The following TMCO4 variants were observed in gnomAD, a reference collection of about 807,000 sequenced individuals.
TMCO4 encodes the protein transmembrane and coiled-coil domain-containing protein 4.
In TMCO4, 58 loss-of-function variants were observed where a neutral mutation model predicts 64.7. The ratio of observed to expected loss-of-function variants is 0.90; its 90% CI spans 0.73 to 1.12. The LOEUF (loss-of-function observed/expected upper bound fraction) is 1.12. Among genes scored for constraint, TMCO4 ranks in the 50% most tolerant of loss-of-function variants. The pLI is 0.00. For synonymous variants in TMCO4, 325 were observed against 346.1 expected (o/e 0.94, Z 0.68); for missense variants, 780 against 825.9 (o/e 0.94, Z 0.68).
intron 8 of TMCO4, 99 bp from the exon 9 acceptor site, chr1:19,746,698 G>A: frequency 7.0e-7 from 1 of 1,418,688 alleles, no homozygotes; most frequent in East Asian, 2.5e-5. Context: ...GCCGAGGTGG[G>A]CGGATCACGA....
intron 3 of TMCO4, among the ~76,000 whole-genome samples, chr1:19,781,197 A>G (rs892123985): frequency 2.0e-5 from 3 of 151,544 alleles, no homozygotes; most frequent in Non-Finnish European, 4.4e-5. Context: ...ATGGTGGCTC[A>G]TGCCTCTAAT....
intron 10 of TMCO4, among the ~76,000 whole-genome samples, chr1:19,742,529 G>A (rs2095484273): frequency 6.6e-6 from 1 of 152,162 alleles, no homozygotes; most frequent in African/African-American, 2.4e-5. Flanking sequence ...GGGGGACCCT[G>A]TCTCAGCTCT....
At chr1:19,787,584 C>A (rs1332915296) in intron 2 of TMCO4, among the ~76,000 whole-genome samples, 1 of 152,116 alleles carries the variant, frequency 6.6e-6, no homozygotes, top group Non-Finnish European at 1.5e-5. Flanking sequence ...TAAAGGCACT[C>A]CCTTTCTCAC....
chr1:19,722,374 A>G (rs929582659), intron 13 of TMCO4, among the ~76,000 whole-genome samples: 6 of 152,192 alleles, frequency 3.9e-5, no homozygotes, highest in African/African-American at 1.4e-4. Flanking sequence ...CAAGCCACCT[A>G]CTGTACAACA....
intron 6 of TMCO4, among the ~76,000 whole-genome samples, chr1:19,759,185 T>C (rs964768420): frequency 4.6e-5 from 7 of 151,840 alleles, no homozygotes; most frequent in African/African-American, 1.7e-4. Context: ...TCTTAGTTCT[T>C]GTTTCCCTGT....
intron 13 of TMCO4, among the ~76,000 whole-genome samples, chr1:19,715,633 G>C (rs1328881772): frequency 6.6e-6 from 1 of 152,172 alleles, no homozygotes; most frequent in East Asian, 1.9e-4. Flanking sequence ...AGTTCTGCAC[G>C]AGCCCTCAAG....
At position 19,777,639 on chromosome 1, in the gene TMCO4, C is replaced by T. The variant is rs143117088; in HGVS notation, c.179+2941G>A. On this transcript the variant is annotated intron_variant, in intron 4 of 15. Coordinates refer to ENST00000294543, the MANE Select transcript of TMCO4 (RefSeq NM_181719.7). ...GTTGGGATTACAGCGTAAGCCACTGCGCCCAGCGCCAAAAACCTCTTGAGG... is the reference window on the plus strand; with the variant it reads ...GTTGGGATTACAGCGTAAGCCACTGTGCCCAGCGCCAAAAACCTCTTGAGG... Among the ~76,000 whole-genome samples the T allele has an allele frequency of 7.2e-3, 1,104 of 152,306 alleles. 5 individuals carry two copies. Among genetic ancestry groups the T allele is most frequent in the Middle Eastern group, 0.014 (4 of 294 alleles).
intron 2 of TMCO4, among the ~76,000 whole-genome samples, chr1:19,795,425 T>C (rs2044259720): frequency 6.6e-6 from 1 of 152,118 alleles, no homozygotes. Context: ...TGAGCCGAGA[T>C]TGCGCCATTG....
chr1:19,783,226 T>A (rs1303821297), intron 3 of TMCO4, among the ~76,000 whole-genome samples: 1 of 152,184 alleles, frequency 6.6e-6, no homozygotes, highest in Non-Finnish European at 1.5e-5. Flanking sequence ...AGGACTGTAA[T>A]GTTCAGTTTG....
At chr1:19,699,211 C>A (rs1209023851) in intron 14 of TMCO4, among the ~76,000 whole-genome samples, 5 of 151,042 alleles carry the variant, frequency 3.3e-5, no homozygotes, top group Non-Finnish European at 5.9e-5. Context: ...AAAAAAAAGG[C>A]ATGTGCTATG....
Position 19,734,343 on chromosome 1 carries a change from TGTGA to T in TMCO4, c.1264+3025_1264+3028del, listed in dbSNP as rs139555683. 0.014 allele frequency among the ~76,000 whole-genome samples: 2,204 copies of T among 152,094 alleles called. 54 individuals carry two copies. Among genetic ancestry groups the T allele is most frequent in the African/African-American group, 0.05 (2,053 of 41,462 alleles). On this transcript the variant is annotated intron_variant, in intron 13 of 15. Coordinates refer to ENST00000294543, the MANE Select transcript of TMCO4 (RefSeq NM_181719.7). This position sits in a 1 kb window ranked among gnomAD's most constrained non-coding sequence, Gnocchi z 4.4. ...CTTGGGGTCTGCCGAGTTGCTGCCG[TGTGA>T]GTGTGTGCAGATGCGTGTATGAATG...
intron 13 of TMCO4, among the ~76,000 whole-genome samples, chr1:19,717,174 G>A (rs974066161): frequency 2.6e-5 from 4 of 152,170 alleles, no homozygotes; most frequent in Non-Finnish European, 5.9e-5. Context: ...CAACATGAGC[G>A]AAACTCCATC....
intron 2 of TMCO4, among the ~76,000 whole-genome samples, chr1:19,787,320 G>A (rs977687925): frequency 1.3e-5 from 2 of 152,216 alleles, no homozygotes; most frequent in Non-Finnish European, 2.9e-5. Context: ...AGCTACCACT[G>A]CTGAGCACTC....
At chr1:19,768,926 A>G (rs2042863609) in intron 6 of TMCO4, among the ~76,000 whole-genome samples, 1 of 152,152 alleles carries the variant, frequency 6.6e-6, no homozygotes, top group African/African-American at 2.4e-5. Context: ...CTTTTTTAAA[A>G]AACAGTAAAG....
intron 2 of TMCO4, among the ~76,000 whole-genome samples, chr1:19,790,334 A>G (rs576384320): frequency 6.6e-6 from 1 of 152,302 alleles, no homozygotes; most frequent in East Asian, 1.9e-4. Context: ...TGATTAAACT[A>G]AAGAGCTTCT....
chr1:19,720,043 T>C (rs1441794501), intron 13 of TMCO4, among the ~76,000 whole-genome samples: 1 of 150,122 alleles, frequency 6.7e-6, no homozygotes, highest in South Asian at 2.1e-4. Context: ...TGGCGTCTTG[T>C]TTTGTTGTCC....
chr1:19,745,045 C>G (rs1281402750), intron 10 of TMCO4, among the ~76,000 whole-genome samples: 3 of 150,350 alleles, frequency 2.0e-5, no homozygotes, highest in Non-Finnish European at 4.4e-5. Context: ...AATGGACAGA[C>G]AGGTGGGTGG....
chr1:19,722,121 GTAGAC>G (rs2095387339), intron 13 of TMCO4, among the ~76,000 whole-genome samples: 2 of 152,204 alleles, frequency 1.3e-5, no homozygotes, highest in Non-Finnish European at 2.9e-5. Flanking sequence ...GCAGAGGCTA[GTAGAC>G]AGATGGATGA....
intron 13 of TMCO4, among the ~76,000 whole-genome samples, chr1:19,728,885 G>T (rs757828275): frequency 7.9e-5 from 12 of 152,238 alleles, no homozygotes; most frequent in Non-Finnish European, 1.5e-5. Context: ...CAGGGTCAGT[G>T]AGAATGGTGC....
Sources: gnomAD v4.1 joint callset for allele counts (sites outside exome capture counted in the v4.1 genomes callset) on GRCh38, gnomAD v4.1.1 for gene constraint, Gnocchi (gnomAD v3.1) non-coding constraint, MANE v1.5 for transcripts, NCBI Gene and HGNC (gene_info 2026-07-23, HGNC 2026-07-21) for gene names.